CHD6: variants seen among roughly 807,000 people sequenced by gnomAD.
CHD6 encodes the protein ATP-dependent chromatin remodeler CHD6.
In CHD6, 50 loss-of-function variants were observed where a neutral mutation model predicts 276.9. The observed-to-expected ratio is 0.18, with a 90% CI of 0.14 to 0.23. The LOEUF is 0.23. CHD6 is among the 10% of genes least tolerant of loss of function. CHD6 has a pLI of 1.00. For synonymous variants in CHD6, 1,173 were observed against 1,229.3 expected, an observed-to-expected ratio of 0.95 and a Z score of 0.96; for missense variants, 2,564 against 3,365.8, an observed-to-expected ratio of 0.76 and a Z score of 5.89.
intron 29 of CHD6, 101 bp downstream of exon 29, chr20:41,425,077 T>C: frequency 1.1e-6 from 1 of 876,090 alleles, no homozygotes. Context: ...TAACTTCACA[T>C]GAGAACAGAA....
chr20:41,606,827 C>A (rs1163595341), intron 1 of CHD6, among the ~76,000 whole-genome samples: 1 of 152,180 alleles, frequency 6.6e-6, no homozygotes, highest in African/African-American at 2.4e-5. Context: ...CTGGGCCTCT[C>A]CTTCAGAAAA....
chr20:41,607,965 A>G (rs2045847316), intron 1 of CHD6, among the ~76,000 whole-genome samples: 1 of 152,150 alleles, frequency 6.6e-6, no homozygotes, highest in South Asian at 2.1e-4. Flanking sequence ...GTGAGAGAGA[A>G]TGTAACCCTA....
rs776401856 is a variant in CHD6 at position 41,454,650 on chromosome 20, T to C, written c.3096A>G (p.Leu1032=). 1 of 1,613,428 alleles carries C rather than the reference T, an allele frequency of 6.2e-7. No homozygotes were observed. Among genetic ancestry groups the C allele is most frequent in the Admixed American group, 1.7e-5 (1 of 59,988 alleles). Residue 1032 remains leucine, a synonymous_variant, in exon 20 of 37, where the codon CTA becomes CTG. Transcript: ENST00000373233. The stretch of plus-strand genomic sequence containing the variant: ...CCTTTTCATTCTTTGCTTCAGTGTC[T>C]AGTTCAGCTATTTTAGCCCATTTCT... ...FWQKWAKIAE[L]DTEAKNEKES...
intron 1 of CHD6, among the ~76,000 whole-genome samples, chr20:41,561,105 T>G (rs1393358641): frequency 6.6e-6 from 1 of 152,204 alleles, no homozygotes; most frequent in East Asian, 1.9e-4. Context: ...TTGCAACTAC[T>G]CAATTCTGCT....
At chr20:41,540,948 G>A (rs1444047019) in intron 2 of CHD6, among the ~76,000 whole-genome samples, 1 of 150,498 alleles carries the variant, frequency 6.6e-6, no homozygotes. Flanking sequence ...TTAAAATTAG[G>A]ATTGTTTTAT....
At chr20:41,571,100 G>A (rs1178365069) in intron 1 of CHD6, among the ~76,000 whole-genome samples, 2 of 152,040 alleles carry the variant, frequency 1.3e-5, no homozygotes, top group Admixed American at 1.3e-4. Context: ...GAGTTACAGT[G>A]GGATTCCAAA....
chr20:41,426,611 C>T (rs774428689), intron 27 of CHD6, among the ~76,000 whole-genome samples: 1 of 152,196 alleles, frequency 6.6e-6, no homozygotes, highest in Non-Finnish European at 1.5e-5. Flanking sequence ...GCTTACTTCA[C>T]AGCAACAGAC....
intron 3 of CHD6, among the ~76,000 whole-genome samples, chr20:41,524,376 C>T (rs1208708362): frequency 6.6e-6 from 1 of 152,156 alleles, no homozygotes; most frequent in African/African-American, 2.4e-5. Context: ...CCCTGTCAGT[C>T]CCTTTAACCG....
intron 36 of CHD6, among the ~76,000 whole-genome samples, chr20:41,410,042 C>A (rs948841725): frequency 2.6e-5 from 4 of 152,152 alleles, no homozygotes; most frequent in Admixed American, 2.6e-4. Context: ...TGGACACCAC[C>A]CGTCCAAACC....
At position 41,512,988 on chromosome 20, in the gene CHD6, C is replaced by T. The variant is rs766515899; in HGVS notation, c.710G>A (p.Arg237His). Residue 237 changes from arginine to histidine, a missense_variant, in exon 5 of 37, where the codon CGC (arginine) becomes CAC (histidine). Physicochemically the swap from Arg to His is conservative, Grantham distance 29 (BLOSUM62 0). Around this residue, in one of 7 missense-constraint regions of CHD6, gnomAD observed 286 missense variants for 297.8 expected, o/e 0.96. Coordinates refer to ENST00000373233, the MANE Select transcript of CHD6 (RefSeq NM_032221.5). ...TCTGCGCTTTACTTGCCTTCCCGAGCGTCGTTTCTGTAGGGCAAACACACC... is the reference window on the plus strand; with the variant it reads ...TCTGCGCTTTACTTGCCTTCCCGAGTGTCGTTTCTGTAGGGCAAACACACC... ...STESTDSQKR[R>H]SGRQVKRRKY... 1.2e-6 allele frequency: 2 copies of T among 1,614,024 alleles called. No individual in the cohort carries two copies. Among genetic ancestry groups the T allele is most frequent in the South Asian group, 1.1e-5 (1 of 91,066 alleles).
intron 1 of CHD6, among the ~76,000 whole-genome samples, chr20:41,562,845 CA>C (rs367948681): frequency 0.13 from 19,553 of 152,010 alleles, 1,495 homozygotes; most frequent in East Asian, 0.17. Flanking sequence ...AATAGTGGGT[CA>C]AAAGAGAAAG....
chr20:41,439,312 C>T (rs534476355), intron 26 of CHD6, among the ~76,000 whole-genome samples: 11 of 151,396 alleles, frequency 7.3e-5, no homozygotes, highest in South Asian at 2.1e-4. Context: ...GCCAAGATTG[C>T]GCCACTGCAC....
chr20:41,524,540 C>T (rs1186019726), intron 3 of CHD6, among the ~76,000 whole-genome samples: 1 of 152,136 alleles, frequency 6.6e-6, no homozygotes, highest in Non-Finnish European at 1.5e-5. Context: ...AATAAAAATT[C>T]AGAAAGTATA....
intron 1 of CHD6, among the ~76,000 whole-genome samples, chr20:41,581,057 T>C (rs971144615): frequency 6.6e-6 from 1 of 152,234 alleles, no homozygotes; most frequent in African/African-American, 2.4e-5. Flanking sequence ...GGCTTTCCAC[T>C]GTTAAAGTCC....
chr20:41,485,787 T>C (rs2043399168), intron 14 of CHD6: 1 of 152,132 alleles, frequency 6.6e-6, no homozygotes, highest in South Asian at 2.1e-4. Context: ...ACATGGTGAC[T>C]ACAGTTAATA....
Position 41,572,265 on chromosome 20 carries a change from G to A in CHD6, c.-23-20905C>T, listed in dbSNP as rs146565068. On this transcript the variant is annotated intron_variant, in intron 1 of 36. Coordinates refer to ENST00000373233, the MANE Select transcript of CHD6 (RefSeq NM_032221.5). ...TGTCTTTTGGGTTCAAAAGCGCTGT[G>A]CTTTTGCTGTTCTTGCTCTTGCTCC... Among the ~76,000 whole-genome samples the A allele has an allele frequency of 8.3e-4, 126 of 152,298 alleles. 1 individual carries two copies. Among genetic ancestry groups the A allele is most frequent in the African/African-American group, 2.9e-3 (121 of 41,544 alleles).
intron 1 of CHD6, among the ~76,000 whole-genome samples, chr20:41,593,676 A>G (rs1393472448): frequency 1.3e-5 from 2 of 152,184 alleles, no homozygotes; most frequent in Non-Finnish European, 2.9e-5. Flanking sequence ...ATGTGACTGT[A>G]TTTGGAGATA....
intron 8 of CHD6, among the ~76,000 whole-genome samples, chr20:41,495,051 A>G (rs1386645834): frequency 6.6e-6 from 1 of 152,156 alleles, no homozygotes; most frequent in Non-Finnish European, 1.5e-5. Flanking sequence ...GTTAAAAAAA[A>G]AAAACCCAGT....
chr20:41,582,760 A>T (rs2045554310), intron 1 of CHD6, among the ~76,000 whole-genome samples: 1 of 152,238 alleles, frequency 6.6e-6, no homozygotes, highest in Non-Finnish European at 1.5e-5. Flanking sequence ...GTATGAACAG[A>T]TGGCAAACTT....
Sources: gnomAD v4.1 joint callset for allele counts (sites outside exome capture counted in the v4.1 genomes callset) on GRCh38, gnomAD v4.1.1 for gene constraint, gnomAD v4.1.1 regional missense constraint, MANE v1.5 for transcripts, NCBI Gene and HGNC (gene_info 2026-07-23, HGNC 2026-07-21) for gene names.